The following KIF13A variants were observed in gnomAD, a reference collection of about 807,000 sequenced individuals.
KIF13A encodes kinesin family member 13A.
Under a neutral mutation model 212.2 loss-of-function variants are expected in KIF13A, and 79 were observed. The ratio of observed to expected loss-of-function variants is 0.37; its 90% CI spans 0.31 to 0.45. KIF13A has a LOEUF of 0.45. Ranked by LOEUF, KIF13A falls within the 20% of genes least tolerant of loss-of-function variation. The probability of loss-of-function intolerance (pLI) is 1.00; values close to 1 mark genes in which losing one functional copy is unlikely to be tolerated. For missense variants in KIF13A, 1,901 were observed against 2,209.0 expected (o/e 0.86, Z 2.79); for synonymous variants, 789 against 808.6 (o/e 0.98, Z 0.41).
rs1168887053 is a variant in KIF13A, at chr6:17,837,319, G to C, written c.942+153C>G. ...CATTCAAATGGAATAAAAAGGAGTA[G>C]AAAATAGTTTTCATTCTGTGTTCCT... On this transcript the variant is annotated intron_variant, in intron 10 of 38. Transcript: ENST00000259711. The surrounding 1 kb of genome is among the most constrained non-coding windows in gnomAD (Gnocchi z 5.4). Among the ~76,000 whole-genome samples, 1 of 152,192 alleles carries C rather than the reference G, an allele frequency of 6.6e-6. No homozygotes were observed. The highest frequency in any genetic ancestry group is 1.5e-5 in the Non-Finnish European group (1 of 68,030).
chr6:17,983,731 G>A (rs573852745), intron 2 of KIF13A, among the ~76,000 whole-genome samples: 3 of 151,982 alleles, frequency 2.0e-5, no homozygotes, highest in East Asian at 1.9e-4. Flanking sequence ...CAAGAGATCC[G>A]CCCACCCTAG....
At chr6:17,923,242 C>T (rs1160164207) in intron 2 of KIF13A, among the ~76,000 whole-genome samples, 2 of 151,180 alleles carry the variant, frequency 1.3e-5, no homozygotes, top group African/African-American at 2.4e-5. Context: ...CCACTGTACC[C>T]CAGCCTAGGC....
At chr6:17,880,225 G>A (rs1770932552) in intron 3 of KIF13A, among the ~76,000 whole-genome samples, 1 of 151,974 alleles carries the variant, frequency 6.6e-6, no homozygotes, top group Admixed American at 6.6e-5. Flanking sequence ...CAAAGTGCTG[G>A]GATTACAGTT....
chr6:17,823,075 T>G (rs892417311), intron 16 of KIF13A, among the ~76,000 whole-genome samples: 3 of 151,986 alleles, frequency 2.0e-5, no homozygotes, highest in Non-Finnish European at 4.4e-5. Context: ...TCACTCTTAT[T>G]GCCCAGGCTG....
At chr6:17,800,923 G>A (rs1451284404) in intron 20 of KIF13A, among the ~76,000 whole-genome samples, 4 of 151,416 alleles carry the variant, frequency 2.6e-5, no homozygotes, top group African/African-American at 9.7e-5. Context: ...TAGTAAAGAC[G>A]GGCTTTCACC....
chr6:17,836,422 A>C (rs1178945026), intron 11 of KIF13A, among the ~76,000 whole-genome samples: 1 of 152,180 alleles, frequency 6.6e-6, no homozygotes, highest in Non-Finnish European at 1.5e-5. Context: ...ATTATCTCTT[A>C]TTTGTTTGTT....
chr6:17,944,391 T>C (rs967734076), intron 2 of KIF13A, among the ~76,000 whole-genome samples: 20 of 152,302 alleles, frequency 1.3e-4, no homozygotes, highest in African/African-American at 3.4e-4. Context: ...ATAACAAGCA[T>C]ATATGCTAGA....
chr6:17,765,603 G>A (rs1326241140), intron 38 of KIF13A, among the ~76,000 whole-genome samples: 1 of 152,176 alleles, frequency 6.6e-6, no homozygotes, highest in Non-Finnish European at 1.5e-5. Context: ...TAGAGGGTTT[G>A]GCTAGAAGGT....
At chr6:17,876,489 T>C (rs913710040) in intron 3 of KIF13A, among the ~76,000 whole-genome samples, 1 of 152,244 alleles carries the variant, frequency 6.6e-6, no homozygotes, top group African/African-American at 2.4e-5. Flanking sequence ...CCCAGAAGCA[T>C]TCTTGGTTAA....
At chr6:17,774,942 A>T in intron 35 of KIF13A, 73 bp downstream of exon 35, 1 of 1,235,156 alleles carries the variant, frequency 8.1e-7, no homozygotes, top group Non-Finnish European at 1.2e-6. Flanking sequence ...CAGAGATTTT[A>T]AAAACACCAA....
downstream of KIF13A, chr6:17,763,617 G>A (rs1254229721): frequency 2.4e-5 from 4 of 169,422 alleles, no homozygotes; most frequent in Non-Finnish European, 4.8e-5. Flanking sequence ...CCAAACGACT[G>A]TCTATTTCCA....
intron 19 of KIF13A, 85 bp from the exon 20 acceptor site, chr6:17,804,595 A>G (rs1160677419): frequency 4.8e-6 from 6 of 1,244,794 alleles, no homozygotes; most frequent in Non-Finnish European, 6.5e-6. Flanking sequence ...AGCATTTGAA[A>G]AAAAATTTAA....
In KIF13A at chr6:17,824,781, C is replaced by CA. The variant is rs59974782; in HGVS notation, c.1786+986dup. Among the ~76,000 whole-genome samples the CA allele has an allele frequency of 1.9e-3, 176 of 90,650 alleles. 2 individuals are homozygous for CA. The highest frequency in any genetic ancestry group is 2.5e-3 in the Non-Finnish European group (115 of 45,414). The allele number at this position is 90,650 out of a possible 152,430, so 59.5% of individuals were successfully genotyped here. A position where few individuals can be genotyped will look rare whatever the true frequency, so the allele number is the denominator to read the frequency against. ...GTCTCAAAAAAAAAAAAAAAAAAAA[C>CA]AAAACACCAAAATGCTCTTCAAGCC... is the stretch of plus-strand genomic sequence containing the variant. On this transcript the variant is annotated intron_variant, in intron 16 of 38. Coordinates refer to ENST00000259711, the MANE Select transcript of KIF13A (RefSeq NM_022113.6).
At chr6:17,842,772 T>C (rs909650708) in intron 9 of KIF13A, among the ~76,000 whole-genome samples, 1 of 151,030 alleles carries the variant, frequency 6.6e-6, no homozygotes, top group Non-Finnish European at 1.5e-5. Flanking sequence ...ATAAAAAAAG[T>C]AAAAGAAAGT....
At chr6:17,878,354 C>T (rs1770755894) in intron 3 of KIF13A, among the ~76,000 whole-genome samples, 1 of 150,936 alleles carries the variant, frequency 6.6e-6, no homozygotes, top group South Asian at 2.1e-4. Flanking sequence ...ATCATTTATT[C>T]ACTTCTTCAG....
intron 2 of KIF13A, among the ~76,000 whole-genome samples, chr6:17,907,062 A>T (rs1355060661): frequency 6.6e-6 from 1 of 152,206 alleles, no homozygotes; most frequent in Non-Finnish European, 1.5e-5. Context: ...GAAATGGATG[A>T]TCATTACTTT....
chr6:17,797,610 A>T (rs1440104502), intron 22 of KIF13A, among the ~76,000 whole-genome samples: 1 of 151,834 alleles, frequency 6.6e-6, no homozygotes, highest in Non-Finnish European at 1.5e-5. Flanking sequence ...CCAAAACACA[A>T]ACAGACAGGG....
rs1207374931 is a variant in KIF13A at position 17,982,518 on chromosome 6, A to G, written c.146+4536T>C. On this transcript the variant is annotated intron_variant, in intron 2 of 38. Coordinates refer to ENST00000259711, the MANE Select transcript of KIF13A (RefSeq NM_022113.6). This position sits in a 1 kb window ranked among gnomAD's most constrained non-coding sequence, Gnocchi z 5.1. The stretch of plus-strand genomic sequence containing the variant: ...CTTTCTTCAACTGACCCTCCCTCAC[A>G]CGATTTGCAAGGTGTATTGTTCATC... 1 of 697,134 alleles carries G rather than the reference A, an allele frequency of 1.4e-6. No homozygotes were observed. Among genetic ancestry groups the G allele is most frequent in the Non-Finnish European group, 1.8e-6 (1 of 567,276 alleles). 43.2% of individuals were successfully genotyped at this position (697,134 alleles called of 1,614,324 possible).
intron 2 of KIF13A, among the ~76,000 whole-genome samples, chr6:17,906,067 AT>A (rs953404655): frequency 2.0e-5 from 3 of 152,232 alleles, no homozygotes; most frequent in Non-Finnish European, 4.4e-5. Flanking sequence ...CACAAGAAGA[AT>A]GCAAATTTCA....
Sources: gnomAD v4.1 joint callset for allele counts (sites outside exome capture counted in the v4.1 genomes callset) on GRCh38, gnomAD v4.1.1 for gene constraint, Gnocchi (gnomAD v3.1) non-coding constraint, MANE v1.5 for transcripts, NCBI Gene and HGNC (gene_info 2026-07-23, HGNC 2026-07-21) for gene names.